Variants in ZNF385D observed in about 807,000 individuals in gnomAD.
The protein encoded by ZNF385D is zinc finger protein 385D.
In ZNF385D, 15 loss-of-function variants were observed where a neutral mutation model predicts 35.8. That is an observed-to-expected ratio of 0.42 (90% confidence interval 0.28 to 0.64). The LOEUF (loss-of-function observed/expected upper bound fraction) is 0.64. ZNF385D is among the 30% of genes least tolerant of loss of function. The pLI is 0.23. For missense variants in ZNF385D, 474 were observed against 494.6 expected, an observed-to-expected ratio of 0.96 and a Z score of 0.39; for synonymous variants, 212 against 186.8, an observed-to-expected ratio of 1.13 and a Z score of -1.10.
intron 1 of ZNF385D, among the ~76,000 whole-genome samples, chr3:21,710,940 C>T (rs2068076059): frequency 6.6e-6 from 1 of 151,500 alleles, no homozygotes; most frequent in South Asian, 2.1e-4. Flanking sequence ...TCTAAATGCT[C>T]TCTGATTTTC....
At chr3:21,906,462 TTACCAG>T in intron 3 of ZNF385D, among the ~76,000 whole-genome samples, 1 of 152,314 alleles carries the variant, frequency 6.6e-6, no homozygotes, top group Middle Eastern at 3.4e-3. Context: ...ACTCTGAGCT[TTACCAG>T]CTACACAGTT....
intron 2 of ZNF385D, among the ~76,000 whole-genome samples, chr3:22,364,825 C>T (rs1696578234): frequency 6.6e-6 from 1 of 152,032 alleles, no homozygotes; most frequent in Non-Finnish European, 1.5e-5. Context: ...CAGCCTTATA[C>T]AACAGCTAAA....
At chr3:22,247,954 C>G (rs1332871354) in intron 2 of ZNF385D, among the ~76,000 whole-genome samples, 1 of 152,058 alleles carries the variant, frequency 6.6e-6, no homozygotes, top group African/African-American at 2.4e-5. Context: ...GATTCAAGAG[C>G]ATTTAAATCA....
At chr3:22,345,929 G>A (rs1218182865) in intron 2 of ZNF385D, among the ~76,000 whole-genome samples, 1 of 152,134 alleles carries the variant, frequency 6.6e-6, no homozygotes. Context: ...TGCTCCCATG[G>A]CTTCGCTGAA....
At chr3:21,856,770 G>A (rs972732884) in intron 3 of ZNF385D, among the ~76,000 whole-genome samples, 2 of 151,982 alleles carry the variant, frequency 1.3e-5, no homozygotes, top group Non-Finnish European at 1.5e-5. Context: ...AGACACGTGA[G>A]GAACAACCAG....
chr3:21,691,908 G>A (rs2067298994), intron 1 of ZNF385D, among the ~76,000 whole-genome samples: 1 of 152,044 alleles, frequency 6.6e-6, no homozygotes, highest in Non-Finnish European at 1.5e-5. Context: ...CCAGTCCCTG[G>A]TAACCACTAT....
At chr3:21,975,994 C>G (rs886885701) in intron 3 of ZNF385D, among the ~76,000 whole-genome samples, 2 of 152,006 alleles carry the variant, frequency 1.3e-5, no homozygotes, top group African/African-American at 2.4e-5. Context: ...GGAGACCAGA[C>G]TTCTACTTCA....
intron 3 of ZNF385D, among the ~76,000 whole-genome samples, chr3:21,993,284 A>G (rs1695256059): frequency 2.0e-5 from 3 of 152,172 alleles, no homozygotes; most frequent in Admixed American, 6.5e-5. Flanking sequence ...GTTTAATTGT[A>G]ACACTATTTG....
chr3:21,436,391 T>G (rs1428446567), intron 5 of ZNF385D, among the ~76,000 whole-genome samples: 1 of 152,126 alleles, frequency 6.6e-6, no homozygotes, highest in Admixed American at 6.6e-5. Flanking sequence ...TTCAAACAAT[T>G]GAAAAGAATA....
chr3:21,428,991 C>T (rs1177496131), intron 5 of ZNF385D, among the ~76,000 whole-genome samples: 2 of 133,864 alleles, frequency 1.5e-5, no homozygotes, highest in Non-Finnish European at 3.1e-5. Context: ...GGGAAAGATA[C>T]ATATTACGCT....
At chr3:21,553,925 C>T (rs1045961685) in intron 3 of ZNF385D, among the ~76,000 whole-genome samples, 27 of 152,158 alleles carry the variant, frequency 1.8e-4, no homozygotes, top group African/African-American at 5.5e-4. Flanking sequence ...TTATACTTCT[C>T]TTGCTATTTC....
intron 2 of ZNF385D, among the ~76,000 whole-genome samples, chr3:22,321,796 A>G (rs1474623367): frequency 6.6e-6 from 1 of 151,778 alleles, no homozygotes; most frequent in Non-Finnish European, 1.5e-5. Flanking sequence ...GTTACTGTGC[A>G]TTTCATTCTT....
intron 3 of ZNF385D, among the ~76,000 whole-genome samples, chr3:21,933,407 T>G (rs1214962382): frequency 6.6e-6 from 1 of 152,144 alleles, no homozygotes; most frequent in East Asian, 1.9e-4. Flanking sequence ...GTGAGCTAGT[T>G]TAAAATATTA....
At position 22,328,908 on chromosome 3, in the gene ZNF385D, T is replaced by C. The variant is rs551415226; in HGVS notation, c.106+43542A>G. The stretch of plus-strand genomic sequence containing the variant: ...GGCTAACACGGTGAAACCCCGTCTC[T>C]ACTAAAAATACAAAAAAAATTAGCT... On this transcript the variant is annotated intron_variant, in intron 2 of 5. Coordinates refer to the ZNF385D transcript ENST00000494108. 3.2e-3 allele frequency among the ~76,000 whole-genome samples: 480 copies of C among 151,254 alleles called. 3 individuals are homozygous for C. The highest frequency in any genetic ancestry group is 9.2e-3 in the African/African-American group (377 of 40,890).
chr3:22,194,077 A>C (rs1051630310), intron 2 of ZNF385D, among the ~76,000 whole-genome samples: 1 of 151,938 alleles, frequency 6.6e-6, no homozygotes, highest in East Asian at 1.9e-4. Flanking sequence ...TATGCAACTT[A>C]TACTACCGAA....
intron 3 of ZNF385D, among the ~76,000 whole-genome samples, chr3:22,103,861 T>A (rs1053751666): frequency 6.6e-6 from 1 of 152,096 alleles, no homozygotes; most frequent in African/African-American, 2.4e-5. Flanking sequence ...AATCTCATCT[T>A]GAGAAAATAC....
chr3:22,298,945 T>C (rs1436164545), intron 2 of ZNF385D, among the ~76,000 whole-genome samples: 2 of 151,974 alleles, frequency 1.3e-5, no homozygotes, highest in African/African-American at 4.8e-5. Context: ...CATTATTTGA[T>C]TCCAATTAAT....
intron 1 of ZNF385D, among the ~76,000 whole-genome samples, chr3:21,695,162 C>T (rs1427905355): frequency 6.6e-6 from 1 of 152,164 alleles, no homozygotes; most frequent in Non-Finnish European, 1.5e-5. Flanking sequence ...CTTATCACCT[C>T]CCGGAATACA....
intron 4 of ZNF385D, among the ~76,000 whole-genome samples, chr3:21,473,787 T>A (rs1336961439): frequency 1.3e-5 from 2 of 152,134 alleles, no homozygotes; most frequent in Non-Finnish European, 2.9e-5. Flanking sequence ...GTTCTTGACA[T>A]AAATGTTAGC....
Sources: allele counts gnomAD v4.1 joint callset (sites outside exome capture counted in the v4.1 genomes callset), GRCh38; gene constraint gnomAD v4.1.1; transcripts MANE v1.5; gene names NCBI Gene and HGNC (gene_info 2026-07-23, HGNC 2026-07-21).